Variants in STEAP1B observed in about 807,000 individuals in gnomAD.
STEAP1B encodes the protein STEAP family member 1B.
Under a neutral mutation model 27.9 loss-of-function variants are expected in STEAP1B, and 13 were observed. That is an observed-to-expected ratio of 0.47 (90% CI 0.30 to 0.74). The LOEUF (loss-of-function observed/expected upper bound fraction) is 0.74, where lower values mean the gene tolerates loss of function less well. Ranked by LOEUF, STEAP1B falls within the 30% of genes least tolerant of loss-of-function variation. STEAP1B has a pLI of 0.06. For synonymous variants in STEAP1B, 86 were observed against 107.1 expected (o/e 0.80, Z 1.22); for missense variants, 250 against 298.7 (o/e 0.84, Z 1.20).
At chr7:22,434,353 G>A (rs747105399) in intron 4 of STEAP1B, among the ~76,000 whole-genome samples, 9 of 152,076 alleles carry the variant, frequency 5.9e-5, no homozygotes, top group Non-Finnish European at 1.3e-4. Flanking sequence ...GTGTCACATC[G>A]CCCCCAGAGT....
chr7:22,468,365 A>G (rs2128410026), intron 4 of STEAP1B, among the ~76,000 whole-genome samples: 1 of 152,288 alleles, frequency 6.6e-6, no homozygotes, highest in East Asian at 1.9e-4. Context: ...AAGGAGGCTG[A>G]GTAGTTTTCC....
At chr7:22,488,919 C>T (rs915767920) in intron 4 of STEAP1B, among the ~76,000 whole-genome samples, 9 of 152,148 alleles carry the variant, frequency 5.9e-5, no homozygotes, top group African/African-American at 1.4e-4. Flanking sequence ...CAAGTCCCCA[C>T]GTAGATCAAA....
At chr7:22,481,163 A>C (rs1313977275) in intron 4 of STEAP1B, among the ~76,000 whole-genome samples, 1 of 152,166 alleles carries the variant, frequency 6.6e-6, no homozygotes, top group East Asian at 1.9e-4. Context: ...AATCCAGGTG[A>C]TGTGACCGCC....
intron 4 of STEAP1B, among the ~76,000 whole-genome samples, chr7:22,421,339 G>A (rs1785040131): frequency 2.0e-5 from 3 of 152,214 alleles, no homozygotes; most frequent in Admixed American, 1.3e-4. Flanking sequence ...CTTAATATGT[G>A]CCACACATTG....
At position 22,456,974 on chromosome 7, in the gene STEAP1B, T is replaced by TATATA. The variant is rs1562573770; in HGVS notation, c.762+35590_762+35591insTATAT. On this transcript the variant is annotated intron_variant, in intron 4 of 4. Coordinates refer to ENST00000678116, the MANE Select transcript of STEAP1B (RefSeq NM_001382447.1). The stretch of plus-strand genomic sequence containing the variant: ...CAGCTATATATATATATATATATAT[T>TATATA]TTTTTTTTTTTTAAGTATCCTGGGT... Among the ~76,000 whole-genome samples, 12 of 50,240 alleles carry TATATA rather than the reference T, an allele frequency of 2.4e-4. 1 individual carries two copies. Among genetic ancestry groups the TATATA allele is most frequent in the African/African-American group, 8.8e-4 (10 of 11,322 alleles). 33.0% of individuals were successfully genotyped at this position (50,240 alleles called of 152,430 possible).
intron 4 of STEAP1B, among the ~76,000 whole-genome samples, chr7:22,427,134 G>A (rs1785118877): frequency 6.6e-6 from 1 of 152,222 alleles, no homozygotes; most frequent in Non-Finnish European, 1.5e-5. Flanking sequence ...AGAGGACCCA[G>A]TGGGCCATGC....
chr7:22,471,712 G>C (rs941821823), intron 4 of STEAP1B, among the ~76,000 whole-genome samples: 1 of 151,918 alleles, frequency 6.6e-6, no homozygotes. Context: ...AAGCAGCCTG[G>C]GCAATATAGC....
chr7:22,488,132 G>A lies in STEAP1B; in HGVS notation c.762+4433C>T, dbSNP rs115888777. Among the ~76,000 whole-genome samples, 665 of 152,182 alleles carry A rather than the reference G, an allele frequency of 4.4e-3. 1 individual carries two copies. Among genetic ancestry groups the A allele is most frequent in the African/African-American group, 0.015 (637 of 41,502 alleles). On this transcript the variant is annotated intron_variant, in intron 4 of 4. Coordinates refer to ENST00000678116, the MANE Select transcript of STEAP1B (RefSeq NM_001382447.1). ...GGCCAGGCTATTGTCCCAGTCCTCC[G>A]AGTCCCTTCTCTCCTGGCCCTTGAC...
chr7:22,457,649 T>G (rs1785609296), intron 4 of STEAP1B, among the ~76,000 whole-genome samples: 1 of 152,264 alleles, frequency 6.6e-6, no homozygotes, highest in Non-Finnish European at 1.5e-5. Context: ...TGAGTTTTCT[T>G]GCTAATGCCA....
At chr7:22,470,665 C>T (rs1785865939) in intron 4 of STEAP1B, among the ~76,000 whole-genome samples, 1 of 152,074 alleles carries the variant, frequency 6.6e-6, no homozygotes, top group South Asian at 2.1e-4. Context: ...ACTTGGGAGA[C>T]TGAGGCAGGA....
At chr7:22,453,865 T>C (rs1216641464) in intron 4 of STEAP1B, among the ~76,000 whole-genome samples, 1 of 152,262 alleles carries the variant, frequency 6.6e-6, no homozygotes, top group Non-Finnish European at 1.5e-5. Flanking sequence ...ATGAGATTTA[T>C]CAACAAGTAG....
intron 1 of STEAP1B, among the ~76,000 whole-genome samples, chr7:22,495,145 A>T (rs1259877843): frequency 6.6e-6 from 1 of 152,260 alleles, no homozygotes; most frequent in African/African-American, 2.4e-5. Context: ...TGTATGGATT[A>T]CAAAGGGTCA....
chr7:22,434,365 A>G (rs1785227905), intron 4 of STEAP1B, among the ~76,000 whole-genome samples: 1 of 152,196 alleles, frequency 6.6e-6, no homozygotes, highest in African/African-American at 2.4e-5. Flanking sequence ...CCCCAGAGTC[A>G]TGACTCTGCT....
At position 22,458,439 on chromosome 7, in the gene STEAP1B, T is replaced by C. The variant is rs1027391672; in HGVS notation, c.762+34126A>G. On this transcript the variant is annotated intron_variant, in intron 4 of 4. Transcript: ENST00000678116. ...GTCGAAGGTGGCCTGAAGCCACTTA[T>C]ACTGGCTTGCGAGATCCAACACATT... 2.0e-5 allele frequency among the ~76,000 whole-genome samples: 3 copies of C among 152,078 alleles called. No individual in the cohort carries two copies. The East Asian group carries it at 5.8e-4, about 29-fold the overall frequency.
chr7:22,436,167 A>G (rs563339888), intron 4 of STEAP1B, among the ~76,000 whole-genome samples: 1 of 152,108 alleles, frequency 6.6e-6, no homozygotes, highest in African/African-American at 2.4e-5. Context: ...TAAAAGGCTT[A>G]TACAGAGAAA....
chr7:22,463,750 C>T (rs1039436701), intron 4 of STEAP1B, among the ~76,000 whole-genome samples: 1 of 151,904 alleles, frequency 6.6e-6, no homozygotes, highest in Admixed American at 6.6e-5. Flanking sequence ...ACTGGCTAGC[C>T]ATATGTAGAA....
intron 4 of STEAP1B, among the ~76,000 whole-genome samples, chr7:22,453,146 A>G (rs984859119): frequency 4.6e-5 from 7 of 152,174 alleles, no homozygotes; most frequent in Admixed American, 2.6e-4. Context: ...CAACTGCGAC[A>G]GGATTTTATT....
intron 4 of STEAP1B, among the ~76,000 whole-genome samples, chr7:22,426,272 A>T (rs1785106362): frequency 6.6e-6 from 1 of 152,250 alleles, no homozygotes; most frequent in African/African-American, 2.4e-5. Flanking sequence ...ATAAAATACA[A>T]AACAAAATAA....
intron 4 of STEAP1B, among the ~76,000 whole-genome samples, chr7:22,464,577 T>G (rs765247724): frequency 6.6e-6 from 1 of 151,990 alleles, no homozygotes; most frequent in Non-Finnish European, 1.5e-5. Flanking sequence ...TAAGAGGTGA[T>G]TAAGTTAAAT....
Sources: allele counts gnomAD v4.1 joint callset (sites outside exome capture counted in the v4.1 genomes callset), GRCh38; gene constraint gnomAD v4.1.1; transcripts MANE v1.5; gene names NCBI Gene and HGNC (gene_info 2026-07-23, HGNC 2026-07-21).